MVP: variants seen among roughly 807,000 people sequenced by gnomAD.
The protein encoded by MVP is lung resistance-related protein.
A neutral mutation model predicts 83.5 loss-of-function variants in MVP; 62 were observed. That is an observed-to-expected ratio of 0.74 (90% CI 0.61 to 0.92). The LOEUF (loss-of-function observed/expected upper bound fraction) is 0.92. MVP is among the 40% of genes least tolerant of loss of function. MVP has a pLI of 0.00. For synonymous variants in MVP, 505 were observed against 504.1 expected, an observed-to-expected ratio of 1.00 and a Z score of -0.02; for missense variants, 1,000 against 1,203.4, an observed-to-expected ratio of 0.83 and a Z score of 2.50.
At chr16:29,829,454 C>CAA (rs34314929) in intron 1 of MVP, among the ~76,000 whole-genome samples, 2,510 of 51,828 alleles carry the variant, frequency 0.048, 120 homozygotes, top group Non-Finnish European at 0.062. Flanking sequence ...GACTCCGTCT[C>CAA]AAAAAAAAAA....
At position 29,846,020 on chromosome 16, in the gene MVP, G is replaced by A. The variant is rs751901361; in HGVS notation, c.2138+41G>A. The A allele has an allele frequency of 3.7e-6, 6 of 1,612,858 alleles. No homozygotes were observed. In the Admixed American group the frequency reaches 8.3e-5, roughly 22 times the overall value. On this transcript the variant is annotated intron_variant, in intron 12 of 14. Coordinates refer to ENST00000357402, the MANE Select transcript of MVP (RefSeq NM_005115.5). ...GAGGAGGAGACTGGCAGGGGCCGAG[G>A]GTCTTAGGACAGCAGCTGGTGTGGG...
intron 6 of MVP, among the ~76,000 whole-genome samples, chr16:29,836,199 C>T (rs1207114257): frequency 1.3e-5 from 2 of 148,978 alleles, no homozygotes; most frequent in Non-Finnish European, 3.0e-5. Context: ...ACCCCAGAGG[C>T]AGAGGTTACA....
rs550063164 is a variant in MVP at position 29,830,483 on chromosome 16, G to A, written c.-35-32G>A. 17 of 1,582,156 alleles carry A rather than the reference G, an allele frequency of 1.1e-5. 1 individual carries two copies. The highest frequency in any genetic ancestry group is 9.4e-5 in the African/African-American group (7 of 74,464). ...GCCTGCCCCACCCCAGGCTCCCCAG[G>A]TTCATCCTGTGTCGTCTCCCCCACC... On this transcript the variant is annotated intron_variant, in intron 1 of 14. Coordinates refer to ENST00000357402, the MANE Select transcript of MVP (RefSeq NM_005115.5).
In MVP at chr16:29,840,414, A is replaced by G. The variant is rs1297093361; in HGVS notation, c.1146A>G (p.Leu382=). ...EVVEERQAIP[L]DENEGIYVQD... ...TGGAGGAGCGCCAGGCCATCCCTCT[A>G]GACGAGAACGAGGGCATCTATGTGC... The change falls in exon 8 of 15, where the codon CTA becomes CTG. Residue 382 remains leucine (L), a synonymous_variant. Coordinates refer to ENST00000357402, the MANE Select transcript of MVP (RefSeq NM_005115.5). 1 of 1,584,876 alleles carries G rather than the reference A, an allele frequency of 6.3e-7. No individual in the cohort carries two copies. The highest frequency in any genetic ancestry group is 1.9e-5 in the Admixed American group (1 of 52,960).
At chr16:29,836,140 CCTGTAATTCCAGTTA>C (rs113119479) in intron 6 of MVP, among the ~76,000 whole-genome samples, 54 of 151,858 alleles carry the variant, frequency 3.6e-4, no homozygotes, top group African/African-American at 1.2e-3. Flanking sequence ...GTGGAGCATG[CCTGTAATTCCAGTTA>C]CTCCAGAGGC....
rs759732369 is a variant in MVP at position 29,836,767 on chromosome 16, G to A, written c.718G>A (p.Gly240Arg). Residue 240 changes from glycine (G) to arginine (R), a missense_variant, in exon 7 of 15, where the codon GGA becomes AGA. Coordinates refer to ENST00000357402, the MANE Select transcript of MVP (RefSeq NM_005115.5). ...TCGGCGGAACTTCCGGGACTTCAGG[G>A]GAGTGTCCCGCCGCACTGGGGAGGA... ...RARRNFRDFR[G>R]VSRRTGEEWL... The A allele has an allele frequency of 6.2e-7, 1 of 1,611,428 alleles. No homozygotes were observed. The highest frequency in any genetic ancestry group is 2.2e-5 in the East Asian group (1 of 44,810).
In MVP at chr16:29,847,188, C is replaced by T; in HGVS notation, c.2266-9C>T. 6.2e-7 allele frequency: 1 copy of T among 1,611,780 alleles called. No homozygotes were observed. Among genetic ancestry groups the T allele is most frequent in the Non-Finnish European group, 8.5e-7 (1 of 1,179,764 alleles). On this transcript the variant is annotated splice_polypyrimidine_tract_variant and intron_variant, in intron 13 of 14. Coordinates refer to ENST00000357402, the MANE Select transcript of MVP (RefSeq NM_005115.5). ...AAAAATAAAGAATGATTGATTTTTC[C>T]TCTTCCAGGAGGCTGAGCTCCAGAG...
intron 5 of MVP, 39 bp downstream of exon 5, chr16:29,834,105 A>AG (rs1202032589): frequency 6.2e-7 from 1 of 1,603,256 alleles, no homozygotes; most frequent in Non-Finnish European, 8.5e-7. Flanking sequence ...GGTGGGCAGG[A>AG]GGGGTCCCCA....
chr16:29,840,083 C>T (rs2067521165), intron 7 of MVP, 95 bp from the exon 8 acceptor site: 3 of 1,352,688 alleles, frequency 2.2e-6, no homozygotes, highest in Non-Finnish European at 1.0e-6. Context: ...TCTTGTCCTC[C>T]ACACAGGCCT....
At chr16:29,829,401 G>A (rs533206296) in intron 1 of MVP, among the ~76,000 whole-genome samples, 223 of 141,100 alleles carry the variant, frequency 1.6e-3, no homozygotes, top group African/African-American at 5.7e-3. Context: ...GCTTTTGTGA[G>A]CTATGATTGC....
intron 3 of MVP, chr16:29,831,676 C>A (rs1011521377): frequency 8.8e-6 from 4 of 456,040 alleles, no homozygotes; most frequent in African/African-American, 6.0e-5. Flanking sequence ...CCCAGCCAGT[C>A]TGGCATTAAA....
intron 8 of MVP, 66 bp downstream of exon 8, chr16:29,840,525 G>T (rs896336461): frequency 1.3e-5 from 20 of 1,501,138 alleles, no homozygotes; most frequent in Non-Finnish European, 1.8e-5. Context: ...CTTCCTCTGG[G>T]TGTGTGGAAG....
At chr16:29,832,663 A>G (rs1343914564) in intron 3 of MVP, among the ~76,000 whole-genome samples, 5 of 142,838 alleles carry the variant, frequency 3.5e-5, no homozygotes, top group African/African-American at 1.3e-4. Context: ...GGGTGATCAT[A>G]GCTCACTGCA....
chr16:29,842,171 T>C, intron 10 of MVP, 59 bp downstream of exon 10: 2 of 1,515,820 alleles, frequency 1.3e-6, no homozygotes, highest in Non-Finnish European at 1.8e-6. Flanking sequence ...TTTGGGAGGC[T>C]GAGGTGGGAG....
chr16:29,846,219 C>T lies in MVP; in HGVS notation c.2200C>T (p.Arg734Trp), dbSNP rs776385912. 9 of 1,593,662 alleles carry T rather than the reference C, an allele frequency of 5.6e-6. No homozygotes were observed. Among genetic ancestry groups the T allele is most frequent in the Admixed American group, 1.8e-5 (1 of 56,422 alleles). Residue 734 changes from arginine (R) to tryptophan (W), a missense_variant, in exon 13 of 15, where the codon CGG (arginine) becomes TGG (tryptophan). Physicochemically the swap from Arg to Trp is moderately radical, Grantham distance 101 (BLOSUM62 -3). Coordinates refer to ENST00000357402, the MANE Select transcript of MVP (RefSeq NM_005115.5). ...GGCCGAGTCCCGTGCGGAGGCAGCC[C>T]GGATTGAGGGAGAAGGGTCCGTGCT... is the stretch of plus-strand genomic sequence containing the variant. ...AEAESRAEAA[R>W]IEGEGSVLQA...
intron 10 of MVP, among the ~76,000 whole-genome samples, chr16:29,842,611 G>A (rs893639146): frequency 6.6e-6 from 1 of 152,042 alleles, no homozygotes; most frequent in African/African-American, 2.4e-5. Flanking sequence ...GGTCAACCCT[G>A]TTTCAAAACA....
At chr16:29,832,116 T>A (rs2067448105) in intron 3 of MVP, among the ~76,000 whole-genome samples, 1 of 152,056 alleles carries the variant, frequency 6.6e-6, no homozygotes, top group Non-Finnish European at 1.5e-5. Context: ...TACTAACCAG[T>A]GCTGCTTGAT....
chr16:29,821,198 G>A (rs1348710146), intron 1 of MVP: 3 of 152,322 alleles, frequency 2.0e-5, no homozygotes, highest in African/African-American at 4.8e-5. Context: ...GGGGGTGGAG[G>A]TGATAGCGAG....
intron 1 of MVP, among the ~76,000 whole-genome samples, chr16:29,827,091 G>C (rs1266375153): frequency 6.6e-6 from 1 of 152,058 alleles, no homozygotes; most frequent in African/African-American, 2.4e-5. Context: ...CATAAGAGTG[G>C]CGAGAGGAAC....
Sources: gnomAD v4.1 joint callset for allele counts (sites outside exome capture counted in the v4.1 genomes callset) on GRCh38, gnomAD v4.1.1 for gene constraint, MANE v1.5 for transcripts, NCBI Gene and HGNC (gene_info 2026-07-23, HGNC 2026-07-21) for gene names.